Variants in BICRAL observed in about 807,000 individuals in gnomAD.
The protein encoded by BICRAL is BRD4-interacting chromatin-remodeling complex-associated protein-like.
Under a neutral mutation model 91.8 loss-of-function variants are expected in BICRAL, and 8 were observed. That is an observed-to-expected ratio of 0.09 (90% CI 0.05 to 0.16). BICRAL has a LOEUF of 0.16. Ranked by LOEUF, BICRAL falls within the 10% of genes least tolerant of loss-of-function variation. BICRAL has a pLI of 1.00. For synonymous variants in BICRAL, 445 were observed against 491.1 expected (o/e 0.91, Z 1.24); for missense variants, 1,038 against 1,310.9 (o/e 0.79, Z 3.21).
At chr6:42,840,683 C>T (rs1764768914) in intron 6 of BICRAL, among the ~76,000 whole-genome samples, 1 of 152,022 alleles carries the variant, frequency 6.6e-6, no homozygotes, top group Non-Finnish European at 1.5e-5. Context: ...ATTACAGGCG[C>T]CTGCCACCAT....
intron 1 of BICRAL, among the ~76,000 whole-genome samples, chr6:42,789,880 G>A (rs1390672409): frequency 6.6e-6 from 1 of 152,114 alleles, no homozygotes; most frequent in Non-Finnish European, 1.5e-5. Flanking sequence ...TTTGTTCTAA[G>A]CCTTTAGCAC....
rs1418033512 is a variant in BICRAL at position 42,858,819 on chromosome 6, AAAAT to A, written c.2255-1424_2255-1421del. On this transcript the variant is annotated intron_variant, in intron 10 of 12. Coordinates refer to ENST00000314073, the MANE Select transcript of BICRAL (RefSeq NM_001393499.1). ...GCAACAAGAGCGAAACTCCATCTAA[AAAAT>A]AAATAAATAAATAAATAATAATTTA... Among the ~76,000 whole-genome samples the A allele has an allele frequency of 3.3e-5, 5 of 152,174 alleles. No individual in the cohort carries two copies. The East Asian group carries it at 7.8e-4, about 24-fold the overall frequency.
chr6:42,864,499 T>C (rs180744889), intron 12 of BICRAL, among the ~76,000 whole-genome samples, 160 bp from the exon 13 acceptor site: 1 of 152,316 alleles, frequency 6.6e-6, no homozygotes, highest in Non-Finnish European at 1.5e-5. Flanking sequence ...GGATGCCCTC[T>C]CAGGATCAGG....
At chr6:42,824,269 A>G (rs1293061037) in intron 5 of BICRAL, among the ~76,000 whole-genome samples, 2 of 152,040 alleles carry the variant, frequency 1.3e-5, no homozygotes, top group Non-Finnish European at 2.9e-5. Flanking sequence ...TAAATAATAA[A>G]AAGACAAACT....
intron 12 of BICRAL, 120 bp downstream of exon 12, chr6:42,862,732 G>A: frequency 1.5e-6 from 1 of 686,028 alleles, no homozygotes; most frequent in Non-Finnish European, 2.7e-6. Context: ...TGAATTCTGG[G>A]GAGAGCTGGG....
At chr6:42,845,045 G>A (rs964856690) in intron 6 of BICRAL, among the ~76,000 whole-genome samples, 2 of 151,990 alleles carry the variant, frequency 1.3e-5, no homozygotes, top group East Asian at 3.9e-4. Flanking sequence ...GACAGCTGTG[G>A]GGTTGGATTC....
chr6:42,771,471 T>C (rs1159483277), intron 1 of BICRAL, among the ~76,000 whole-genome samples: 1 of 114,056 alleles, frequency 8.8e-6, no homozygotes, highest in Non-Finnish European at 1.7e-5. Flanking sequence ...TATATCTGCA[T>C]CCCCACCCCT....
chr6:42,852,649 G>C (rs1400540110), intron 7 of BICRAL, among the ~76,000 whole-genome samples: 2 of 133,504 alleles, frequency 1.5e-5, no homozygotes, highest in East Asian at 4.5e-4. Context: ...GTGACAGGGC[G>C]AGACTCTGTC....
intron 12 of BICRAL, 141 bp downstream of exon 12, chr6:42,862,753 C>T (rs1765592942): frequency 8.1e-6 from 5 of 614,498 alleles, no homozygotes; most frequent in Admixed American, 8.0e-5. Flanking sequence ...CACGGTGGCT[C>T]ACACCTGTAA....
At chr6:42,782,690 C>T (rs982205933) in intron 1 of BICRAL, among the ~76,000 whole-genome samples, 12 of 150,104 alleles carry the variant, frequency 8.0e-5, no homozygotes, top group Non-Finnish European at 1.8e-4. Flanking sequence ...ATTGATTGAG[C>T]CGGTTTAAAA....
rs767441932 is a variant in BICRAL at position 42,857,211 on chromosome 6, G to A, written c.2229G>A (p.Met743Ile). Residue 743 changes from methionine to isoleucine, a missense_variant, in exon 10 of 13, where the codon ATG becomes ATA. Physicochemically the swap from Met to Ile is conservative, Grantham distance 10. This residue lies in a region of BICRAL where 294 missense variants were observed against 292.6 expected (regional missense o/e 1.00). Coordinates refer to ENST00000314073, the MANE Select transcript of BICRAL (RefSeq NM_001393499.1). ...CCTACCACGTGTGCCAGGGCTCCATGCCCACTGAAGAAGACTTGAGAAAAG... is the reference window on the plus strand; with the variant it reads ...CCTACCACGTGTGCCAGGGCTCCATACCCACTGAAGAAGACTTGAGAAAAG... The part of the protein sequence containing the change: ...LLSYHVCQGS[M>I]PTEEDLRKVD... 1.2e-6 allele frequency: 2 copies of A among 1,613,626 alleles called. No individual in the cohort carries two copies. Among genetic ancestry groups the A allele is most frequent in the Non-Finnish European group, 1.7e-6 (2 of 1,179,762 alleles).
chr6:42,853,799 C>T (rs1765265525), intron 8 of BICRAL, 61 bp downstream of exon 8: 10 of 1,236,630 alleles, frequency 8.1e-6, no homozygotes, highest in Non-Finnish European at 1.1e-5. Context: ...AAAATGTAGT[C>T]GTGCTATCTT....
At chr6:42,844,808 G>A (rs1027888356) in intron 6 of BICRAL, among the ~76,000 whole-genome samples, 1 of 152,152 alleles carries the variant, frequency 6.6e-6, no homozygotes, top group Non-Finnish European at 1.5e-5. Flanking sequence ...AATTATTTTT[G>A]TAGTGAAAGA....
At chr6:42,763,897 C>T (rs980476364) in intron 1 of BICRAL, among the ~76,000 whole-genome samples, 9 of 142,494 alleles carry the variant, frequency 6.3e-5, no homozygotes, top group African/African-American at 2.4e-4. Flanking sequence ...TCATGAAATG[C>T]ATTTAGTGCA....
chr6:42,855,717 T>TTTTTTTTTG, intron 8 of BICRAL, 139 bp from the exon 9 acceptor site: 1 of 655,482 alleles, frequency 1.5e-6, no homozygotes, highest in Non-Finnish European at 2.6e-6. Flanking sequence ...TTTTTTTATT[T>TTTTTTTTTG]TTCAGCAGGG....
rs1376611397 is a variant in BICRAL at position 42,868,101 on chromosome 6, G to T, written c.*2655G>T. The T allele has an allele frequency of 6.8e-6, 1 of 146,934 alleles. No individual in the cohort carries two copies. The highest frequency in any genetic ancestry group is 2.0e-4 in the East Asian group (1 of 5,046). The allele number at this position is 146,934 out of a possible 1,614,324, so 9.1% of individuals were successfully genotyped here. Reference sequence around the variant, plus strand: ...TTTTTTTTTTTTCTGTTGTGGAAAAGCGTGAATTTGTTATTAAGCATTTGA... The same window carrying T: ...TTTTTTTTTTTTCTGTTGTGGAAAATCGTGAATTTGTTATTAAGCATTTGA... On this transcript the variant is annotated 3_prime_UTR_variant, in exon 13 of 13. Coordinates refer to ENST00000314073, the MANE Select transcript of BICRAL (RefSeq NM_001393499.1).
chr6:42,763,238 T>C (rs1275534601), intron 1 of BICRAL, among the ~76,000 whole-genome samples: 2 of 152,134 alleles, frequency 1.3e-5, no homozygotes, highest in African/African-American at 4.8e-5. Flanking sequence ...CAAGAACAGG[T>C]TTAAGATTTC....
Position 42,817,848 on chromosome 6 carries a change from C to G in BICRAL, c.-5-4170C>G, listed in dbSNP as rs16896088. 7.1e-3 allele frequency among the ~76,000 whole-genome samples: 1,078 copies of G among 151,648 alleles called. 5 individuals carry two copies. The highest frequency in any genetic ancestry group is 0.023 in the African/African-American group (951 of 41,316). Reference sequence around the variant, plus strand: ...ATCATTTGGCACATGTGAAAGAATACCCACGTGACAGCTGGTTATGGTGGC... The same window carrying G: ...ATCATTTGGCACATGTGAAAGAATAGCCACGTGACAGCTGGTTATGGTGGC... On this transcript the variant is annotated intron_variant, in intron 2 of 12. Coordinates refer to ENST00000314073, the MANE Select transcript of BICRAL (RefSeq NM_001393499.1).
At chr6:42,794,054 G>T (rs944568023) in intron 1 of BICRAL, among the ~76,000 whole-genome samples, 4 of 151,202 alleles carry the variant, frequency 2.6e-5, no homozygotes, top group Non-Finnish European at 5.9e-5. Flanking sequence ...CAGATTAAAA[G>T]AAAAAATTTG....
Sources: gnomAD v4.1 joint callset for allele counts (sites outside exome capture counted in the v4.1 genomes callset) on GRCh38, gnomAD v4.1.1 for gene constraint, gnomAD v4.1.1 regional missense constraint, MANE v1.5 for transcripts, NCBI Gene and HGNC (gene_info 2026-07-23, HGNC 2026-07-21) for gene names.